Variants in PLCZ1 observed in about 807,000 individuals in gnomAD.
PLCZ1 encodes the protein 1-phosphatidylinositol 4,5-bisphosphate phosphodiesterase zeta-1.
PLCZ1 carries 64 observed loss-of-function variants against 76.8 expected under a neutral mutation model. That is an observed-to-expected ratio of 0.83 (90% confidence interval 0.68 to 1.03). PLCZ1 has a LOEUF of 1.03. PLCZ1 is among the 50% of genes least tolerant of loss of function. The pLI, the probability that PLCZ1 is intolerant of heterozygous loss-of-function variation, is 0.00. For synonymous variants in PLCZ1, 248 were observed against 230.8 expected, an observed-to-expected ratio of 1.07 and a Z score of -0.68; for missense variants, 751 against 713.7, an observed-to-expected ratio of 1.05 and a Z score of -0.60.
chr12:18,716,373 A>C (rs117112000), intron 5 of PLCZ1, among the ~76,000 whole-genome samples: 3 of 152,158 alleles, frequency 2.0e-5, no homozygotes, highest in African/African-American at 7.2e-5. Flanking sequence ...ACAAAACTGC[A>C]TATTCAGACT....
At chr12:18,673,119 G>T in the PLCZ1 span, among the ~76,000 whole-genome samples, 47 of 152,058 alleles carry the variant, frequency 3.1e-4, no homozygotes, top group African/African-American at 1.1e-3. Context: ...GTTCCAAAAG[G>T]TATGAAGAAG....
intron 7 of PLCZ1, among the ~76,000 whole-genome samples, chr12:18,703,723 C>G (rs550278165): frequency 1.3e-5 from 2 of 152,256 alleles, no homozygotes; most frequent in South Asian, 4.1e-4. Context: ...CTGTATAAAA[C>G]AATTTTCACT....
At chr12:18,671,853 A>T in the PLCZ1 span, among the ~76,000 whole-genome samples, 12 of 152,302 alleles carry the variant, frequency 7.9e-5, no homozygotes, top group South Asian at 2.5e-3. Context: ...GAGAAGTTTA[A>T]GATCAAGGCG....
intron 5 of PLCZ1, among the ~76,000 whole-genome samples, chr12:18,717,619 C>A (rs1958135389): frequency 6.6e-6 from 1 of 152,060 alleles, no homozygotes; most frequent in African/African-American, 2.4e-5. Context: ...GCATGGAAAC[C>A]ACAGAACCCT....
downstream of PLCZ1, among the ~76,000 whole-genome samples, chr12:18,678,203 C>A (rs1382652651): frequency 6.6e-6 from 1 of 152,024 alleles, no homozygotes; most frequent in Non-Finnish European, 1.5e-5. Flanking sequence ...AATTAGAGGT[C>A]TGGCTAATAC....
At chr12:18,653,632 G>A in the PLCZ1 span, among the ~76,000 whole-genome samples, 1 of 152,080 alleles carries the variant, frequency 6.6e-6, no homozygotes, top group Non-Finnish European at 1.5e-5. Flanking sequence ...AGCACTGGAG[G>A]AGACAAAACC....
chr12:18,667,022 G>T, the PLCZ1 span, among the ~76,000 whole-genome samples: 1 of 152,130 alleles, frequency 6.6e-6, no homozygotes, highest in South Asian at 2.1e-4. Context: ...TCTCAATAAT[G>T]GTGTAGGCTA....
chr12:18,689,780 G>A (rs1052718660), intron 12 of PLCZ1, among the ~76,000 whole-genome samples: 1 of 152,106 alleles, frequency 6.6e-6, no homozygotes, highest in African/African-American at 2.4e-5. Flanking sequence ...TGCAGGTGAC[G>A]AAGAGTAAAG....
At chr12:18,701,914 C>T (rs1955991270) in intron 7 of PLCZ1, 138 bp from the exon 8 acceptor site, 4 of 1,251,460 alleles carry the variant, frequency 3.2e-6, no homozygotes, top group African/African-American at 1.5e-5. Context: ...TTTCCCATAC[C>T]CCTATTCACA....
At chr12:18,653,744 G>C in the PLCZ1 span, among the ~76,000 whole-genome samples, 1 of 152,138 alleles carries the variant, frequency 6.6e-6, no homozygotes, top group African/African-American at 2.4e-5. Flanking sequence ...CTCATTATTA[G>C]AGTTTGGAGA....
intron 3 of PLCZ1, 38 bp downstream of exon 3, chr12:18,736,183 C>T (rs1205063252): frequency 1.9e-6 from 3 of 1,604,632 alleles, no homozygotes; most frequent in Non-Finnish European, 2.6e-6. Flanking sequence ...TTAAGTTCCA[C>T]CTAGGATAGG....
the PLCZ1 span, among the ~76,000 whole-genome samples, chr12:18,667,468 T>C: frequency 1.3e-5 from 2 of 152,184 alleles, no homozygotes; most frequent in South Asian, 4.1e-4. Context: ...CTAAGTACTA[T>C]GTTTTGAGAA....
At chr12:18,696,747 G>A (rs890619499) in intron 10 of PLCZ1, among the ~76,000 whole-genome samples, 1 of 152,046 alleles carries the variant, frequency 6.6e-6, no homozygotes, top group African/African-American at 2.4e-5. Context: ...ACATTTCACA[G>A]GTTCTCAGGG....
At chr12:18,735,625 T>G (rs1167231583) in intron 3 of PLCZ1, 1 of 152,476 alleles carries the variant, frequency 6.6e-6, no homozygotes, top group Admixed American at 6.6e-5. Context: ...TTCTTGAAAT[T>G]TCCCTTTTTT....
At chr12:18,720,457 T>G (rs750686610) in intron 4 of PLCZ1, among the ~76,000 whole-genome samples, 6 of 151,172 alleles carry the variant, frequency 4.0e-5, no homozygotes, top group Non-Finnish European at 8.8e-5. Context: ...CACTGTAATA[T>G]GTACCAAAAT....
At chr12:18,684,431 G>C (rs892641819) in intron 13 of PLCZ1, 152 bp from the exon 14 acceptor site, 2 of 678,346 alleles carry the variant, frequency 2.9e-6, no homozygotes, top group African/African-American at 1.8e-5. Flanking sequence ...CTCAGTGTGA[G>C]AGGAATAATA....
chr12:18,681,613 A>G (rs1952424765), downstream of PLCZ1, among the ~76,000 whole-genome samples: 2 of 152,034 alleles, frequency 1.3e-5, no homozygotes, highest in South Asian at 4.1e-4. Flanking sequence ...AAATTTTAAA[A>G]TGGAACCAAA....
chr12:18,703,795 C>T (rs559620349), intron 7 of PLCZ1, among the ~76,000 whole-genome samples: 23 of 152,146 alleles, frequency 1.5e-4, no homozygotes, highest in Non-Finnish European at 2.6e-4. Context: ...CAGAAAGCTA[C>T]CCTTACACTA....
At chr12:18,659,779 T>C in the PLCZ1 span, among the ~76,000 whole-genome samples, 1 of 151,810 alleles carries the variant, frequency 6.6e-6, no homozygotes, top group African/African-American at 2.4e-5. Flanking sequence ...ACCCGTTAAC[T>C]CGTTATTTAG....
Sources: allele counts gnomAD v4.1 joint callset (sites outside exome capture counted in the v4.1 genomes callset), GRCh38; gene constraint gnomAD v4.1.1; transcripts MANE v1.5; gene names NCBI Gene and HGNC (gene_info 2026-07-23, HGNC 2026-07-21).